GAREM1: variants seen among roughly 807,000 people sequenced by gnomAD.
GAREM1 encodes GRB2-associated and regulator of MAPK protein 1.
GAREM1 carries 26 observed loss-of-function variants against 71.3 expected under a neutral mutation model. The ratio of observed to expected loss-of-function variants is 0.36; its 90% CI spans 0.27 to 0.51. The LOEUF is 0.51. GAREM1 is among the 20% of genes least tolerant of loss of function. GAREM1 has a pLI of 0.95. For synonymous variants in GAREM1, 440 were observed against 433.2 expected (o/e 1.02, Z -0.20); for missense variants, 1,026 against 1,103.1 (o/e 0.93, Z 0.99).
At chr18:32,468,065 A>G (rs1485676148) in intron 1 of GAREM1, among the ~76,000 whole-genome samples, 1 of 152,330 alleles carries the variant, frequency 6.6e-6, no homozygotes, top group East Asian at 1.9e-4. Flanking sequence ...GACTGATACT[A>G]TCACAATGCT....
At chr18:32,278,994 T>C (rs1361623250) in intron 4 of GAREM1, among the ~76,000 whole-genome samples, 1 of 152,118 alleles carries the variant, frequency 6.6e-6, no homozygotes, top group African/African-American at 2.4e-5. Context: ...AGCCACTTAC[T>C]CAGTGGCAGG....
At chr18:32,372,565 C>T (rs2047992823) in intron 2 of GAREM1, among the ~76,000 whole-genome samples, 1 of 152,218 alleles carries the variant, frequency 6.6e-6, no homozygotes, top group Non-Finnish European at 1.5e-5. Context: ...TGACAATATA[C>T]ACCCAAAGAG....
chr18:32,380,223 C>G (rs2048081772), intron 2 of GAREM1, among the ~76,000 whole-genome samples: 1 of 152,040 alleles, frequency 6.6e-6, no homozygotes, highest in Non-Finnish European at 1.5e-5. Flanking sequence ...CGCCTGTAAT[C>G]CTAGCACTTT....
intron 1 of GAREM1, among the ~76,000 whole-genome samples, chr18:32,400,167 T>C (rs2048299351): frequency 6.6e-6 from 1 of 152,266 alleles, no homozygotes; most frequent in African/African-American, 2.4e-5. Flanking sequence ...TATACAAAAA[T>C]TAATTCAAGA....
At chr18:32,365,635 G>A (rs942105778) in intron 2 of GAREM1, among the ~76,000 whole-genome samples, 2 of 152,080 alleles carry the variant, frequency 1.3e-5, no homozygotes, top group Non-Finnish European at 2.9e-5. Context: ...CACTCCCACT[G>A]GCCTGTTGCA....
At chr18:32,377,063 C>A (rs1290951903) in intron 2 of GAREM1, among the ~76,000 whole-genome samples, 2 of 152,056 alleles carry the variant, frequency 1.3e-5, no homozygotes, top group Non-Finnish European at 2.9e-5. Context: ...GAAACTGAGG[C>A]ACAAAAAACG....
chr18:32,326,835 T>C (rs1413752429), intron 2 of GAREM1, among the ~76,000 whole-genome samples: 1 of 152,214 alleles, frequency 6.6e-6, no homozygotes, highest in Non-Finnish European at 1.5e-5. Flanking sequence ...CCCTCTTCCA[T>C]GTTAAACAGG....
intron 5 of GAREM1, among the ~76,000 whole-genome samples, 186 bp from the exon 6 acceptor site, chr18:32,268,954 G>A (rs984952895): frequency 2.6e-5 from 4 of 151,956 alleles, no homozygotes; most frequent in Non-Finnish European, 5.9e-5. Context: ...GGTAATTGTA[G>A]ATATGTACAT....
chr18:32,287,413 A>C lies in GAREM1; in HGVS notation c.1184T>G (p.Leu395Arg), dbSNP rs779322718. ...AAGGTTCACCTCACTGTTGCCATGGAGATTGTTGCCATACACACAGACCGA... is the reference window on the plus strand; with the variant it reads ...AAGGTTCACCTCACTGTTGCCATGGCGATTGTTGCCATACACACAGACCGA... ...RLSVCVYGNN[L>R]HGNSEVNLHG... Residue 395 changes from leucine to arginine, a missense_variant, in exon 4 of 6, where the codon CTC (leucine) becomes CGC (arginine). By Grantham distance (102) the Leu-to-Arg change is moderately radical (BLOSUM62 -2). Coordinates refer to ENST00000269209, the MANE Select transcript of GAREM1 (RefSeq NM_001242409.2). This position sits in a 1 kb window ranked among gnomAD's most constrained non-coding sequence, Gnocchi z 5.9. 3.1e-6 allele frequency: 5 copies of C among 1,614,144 alleles called. No homozygotes were observed. In the South Asian group the frequency reaches 5.5e-5, roughly 18 times the overall value.
In GAREM1 at chr18:32,263,972, T is replaced by C. The variant is rs543233527; in HGVS notation, c.*3899A>G. 1.3e-5 allele frequency: 2 copies of C among 152,340 alleles called. No homozygotes were observed. Among genetic ancestry groups the C allele is most frequent in the African/African-American group, 4.8e-5 (2 of 41,588 alleles). 9.4% of individuals were successfully genotyped at this position (152,340 alleles called of 1,614,324 possible). On this transcript the variant is annotated 3_prime_UTR_variant, in exon 6 of 6. Coordinates refer to ENST00000269209, the MANE Select transcript of GAREM1 (RefSeq NM_001242409.2). ...GAGCAGCAAAATTACAGAAGATATT[T>C]GTATATAGTTTAAACTGAAATCACG...
intron 2 of GAREM1, among the ~76,000 whole-genome samples, chr18:32,383,154 C>A (rs2144644688): frequency 6.6e-6 from 1 of 152,284 alleles, no homozygotes; most frequent in Admixed American, 6.5e-5. Context: ...TTCTGTAAAC[C>A]AGTTCTAACA....
chr18:32,321,200 C>T (rs886152972), intron 2 of GAREM1, among the ~76,000 whole-genome samples: 3 of 152,172 alleles, frequency 2.0e-5, no homozygotes, highest in African/African-American at 7.2e-5. Context: ...AATCTCTAAC[C>T]ACCAAGCCCA....
intron 1 of GAREM1, among the ~76,000 whole-genome samples, chr18:32,454,495 C>T (rs1418747555): frequency 6.6e-6 from 1 of 152,158 alleles, no homozygotes; most frequent in Non-Finnish European, 1.5e-5. Context: ...GTAGTATAGC[C>T]AAATCTCAAT....
At chr18:32,272,646 G>A (rs1428679163) in intron 4 of GAREM1, among the ~76,000 whole-genome samples, 1 of 151,396 alleles carries the variant, frequency 6.6e-6, no homozygotes, top group Non-Finnish European at 1.5e-5. Flanking sequence ...TTTTGGAGAC[G>A]GAGTTTCACT....
At chr18:32,391,286 C>A (rs1314877564) in intron 2 of GAREM1, among the ~76,000 whole-genome samples, 1 of 152,164 alleles carries the variant, frequency 6.6e-6, no homozygotes, top group African/African-American at 2.4e-5. Context: ...GTTCACTCTT[C>A]GGAATAGAAA....
chr18:32,272,083 C>T (rs1348895919), intron 4 of GAREM1, among the ~76,000 whole-genome samples: 1 of 152,156 alleles, frequency 6.6e-6, no homozygotes, highest in Non-Finnish European at 1.5e-5. Context: ...TGGGATAAGA[C>T]AATGAAACAG....
At chr18:32,412,430 A>T in intron 1 of GAREM1, 1 of 1,587,492 alleles carries the variant, frequency 6.3e-7, no homozygotes, top group Non-Finnish European at 8.5e-7. Flanking sequence ...TGCTTCCATC[A>T]TTACCAAATC....
At chr18:32,367,098 A>C (rs1438484613) in intron 2 of GAREM1, among the ~76,000 whole-genome samples, 2 of 152,204 alleles carry the variant, frequency 1.3e-5, no homozygotes, top group African/African-American at 2.4e-5. Flanking sequence ...ACAACATAAA[A>C]ACAGGACACT....
At chr18:32,372,012 G>C (rs1246686145) in intron 2 of GAREM1, among the ~76,000 whole-genome samples, 1 of 152,076 alleles carries the variant, frequency 6.6e-6, no homozygotes, top group Non-Finnish European at 1.5e-5. Flanking sequence ...GTAAATGAGA[G>C]GTAAGAGGTA....
Sources: gnomAD v4.1 joint callset for allele counts (sites outside exome capture counted in the v4.1 genomes callset) on GRCh38, gnomAD v4.1.1 for gene constraint, Gnocchi (gnomAD v3.1) non-coding constraint, MANE v1.5 for transcripts, NCBI Gene and HGNC (gene_info 2026-07-23, HGNC 2026-07-21) for gene names.